Variants in PRMT9 observed in about 807,000 individuals in gnomAD.
PRMT9 encodes protein arginine N-methyltransferase 9.
PRMT9 carries 59 observed loss-of-function variants against 83.2 expected under a neutral mutation model. That is an observed-to-expected ratio of 0.71 (90% CI 0.57 to 0.88). The LOEUF is 0.88. Among genes scored for constraint, PRMT9 ranks in the 40% least tolerant of loss-of-function variants. PRMT9 has a pLI of 0.00. For synonymous variants in PRMT9, 333 were observed against 353.2 expected (o/e 0.94, Z 0.64); for missense variants, 947 against 1,021.9 (o/e 0.93, Z 1.00).
chr4:147,643,498 A>C (rs1322481375), intron 9 of PRMT9, among the ~76,000 whole-genome samples: 3 of 152,222 alleles, frequency 2.0e-5, no homozygotes, highest in African/African-American at 7.2e-5. Context: ...TAGCTATTTA[A>C]ATGGACACAC....
intron 2 of PRMT9, among the ~76,000 whole-genome samples, chr4:147,677,043 CAAA>C (rs1176356042): frequency 3.5e-5 from 2 of 56,574 alleles, no homozygotes; most frequent in Admixed American, 2.0e-4. Flanking sequence ...GACTCCGTCT[CAAA>C]AAAAAAAAAA....
chr4:147,668,320 AC>A (rs1560992838), intron 6 of PRMT9, among the ~76,000 whole-genome samples: 1 of 151,760 alleles, frequency 6.6e-6, no homozygotes, highest in Non-Finnish European at 1.5e-5. Context: ...TCCTACACTC[AC>A]CCACGTGGTC....
chr4:147,683,720 C>CTT (rs113416311), intron 1 of PRMT9, 79 bp downstream of exon 1: 178 of 1,048,776 alleles, frequency 1.7e-4, no homozygotes, highest in East Asian at 2.4e-4. Flanking sequence ...AGCCCCTCCG[C>CTT]TTTTTTTTTT....
At chr4:147,646,679 G>A (rs1000812655) in intron 9 of PRMT9, among the ~76,000 whole-genome samples, 2 of 151,740 alleles carry the variant, frequency 1.3e-5, no homozygotes, top group African/African-American at 4.8e-5. Flanking sequence ...GGAGGGGGGT[G>A]CAGGGAGGAG....
At chr4:147,639,758 A>C (rs1733254787) in intron 10 of PRMT9, among the ~76,000 whole-genome samples, 1 of 152,174 alleles carries the variant, frequency 6.6e-6, no homozygotes, top group Admixed American at 6.5e-5. Flanking sequence ...GAAACAAAGG[A>C]AACTGTCATT....
chr4:147,669,313 C>T (rs1011398189), intron 5 of PRMT9, among the ~76,000 whole-genome samples: 2 of 151,920 alleles, frequency 1.3e-5, no homozygotes, highest in South Asian at 2.1e-4. Flanking sequence ...GAGTTTGAGG[C>T]TGCAGTAAGC....
intron 6 of PRMT9, 43 bp downstream of exon 6, chr4:147,668,496 G>C: frequency 8.8e-7 from 1 of 1,137,274 alleles, no homozygotes; most frequent in Non-Finnish European, 1.3e-6. Context: ...CCCAATCTTG[G>C]GAGGTGCTTT....
At chr4:147,659,482 C>T (rs1210880517) in intron 7 of PRMT9, among the ~76,000 whole-genome samples, 1 of 151,848 alleles carries the variant, frequency 6.6e-6, no homozygotes, top group Non-Finnish European at 1.5e-5. Context: ...ACAGGTTTCA[C>T]TTACAACATT....
chr4:147,641,507 G>A (rs1336291775), intron 10 of PRMT9, among the ~76,000 whole-genome samples: 2 of 151,926 alleles, frequency 1.3e-5, no homozygotes, highest in Admixed American at 6.6e-5. Context: ...TATCCCATAC[G>A]CCACACTCCC....
chr4:147,680,433 C>T lies in PRMT9; in HGVS notation c.228G>A (p.Glu76=). Residue 76 remains glutamate (E), a synonymous_variant, in exon 2 of 12, where the codon GAG becomes GAA. Transcript: ENST00000322396. ...FQYTLFRWAE[E]LDALSRIQDL... is the part of the protein sequence containing the mutation. ...CTTGTATCCGACTGAGAGCATCAAG[C>T]TCTTCAGCCCATCTGAAAAGTGTGT... is the stretch of plus-strand genomic sequence containing the variant. 6.2e-7 allele frequency: 1 copy of T among 1,614,044 alleles called. No homozygotes were observed. The highest frequency in any genetic ancestry group is 8.5e-7 in the Non-Finnish European group (1 of 1,179,908).
chr4:147,638,929 C>T (rs900396841), intron 11 of PRMT9, 31 bp downstream of exon 11: 2 of 1,595,956 alleles, frequency 1.3e-6, no homozygotes, highest in African/African-American at 2.7e-5. Context: ...TAAACAATAA[C>T]AAACGAAATC....
At chr4:147,680,254 G>C (rs1319358569) in intron 2 of PRMT9, 69 bp downstream of exon 2, 31 of 1,422,210 alleles carry the variant, frequency 2.2e-5, no homozygotes, top group Non-Finnish European at 3.0e-5. Flanking sequence ...TAAAATTACA[G>C]TATGATTTAT....
At chr4:147,648,004 G>T (rs191535756) in intron 9 of PRMT9, among the ~76,000 whole-genome samples, 1 of 152,178 alleles carries the variant, frequency 6.6e-6, no homozygotes, top group East Asian at 1.9e-4. Context: ...TATTACAAAG[G>T]ATACAACTCA....
chr4:147,670,577 T>C, intron 5 of PRMT9, 64 bp downstream of exon 5: 1 of 1,013,750 alleles, frequency 9.9e-7, no homozygotes, highest in East Asian at 2.4e-5. Flanking sequence ...ATACTAAGGA[T>C]TCAATAAATC....
At chr4:147,671,840 A>T in intron 4 of PRMT9, 1 of 456,244 alleles carries the variant, frequency 2.2e-6, no homozygotes, top group Admixed American at 2.3e-5. Flanking sequence ...ATGCTGACTC[A>T]TGTCCCTCTC....
At chr4:147,668,408 G>C (rs1279540066) in intron 6 of PRMT9, 131 bp downstream of exon 6, 2 of 681,686 alleles carry the variant, frequency 2.9e-6, no homozygotes, top group African/African-American at 3.5e-5. Flanking sequence ...TTCCCCTTCT[G>C]CCATGTTTGT....
rs112552539 is a variant in PRMT9 at position 147,669,378 on chromosome 4, A to G, written c.847-733T>C. 6.1e-3 allele frequency among the ~76,000 whole-genome samples: 924 copies of G among 152,272 alleles called. 11 individuals carry two copies. Among genetic ancestry groups the G allele is most frequent in the African/African-American group, 0.021 (859 of 41,552 alleles). On this transcript the variant is annotated intron_variant, in intron 5 of 11. Coordinates refer to ENST00000322396, the MANE Select transcript of PRMT9 (RefSeq NM_138364.4). ...GGCAAGAGAGTGAGACCCCATCTCA[A>G]AAAAACAGAATAAGTATTTTCATTG...
chr4:147,657,664 T>G, intron 8 of PRMT9, 128 bp downstream of exon 8: 1 of 710,412 alleles, frequency 1.4e-6, no homozygotes, highest in South Asian at 1.7e-5. Flanking sequence ...AAAAATGAAG[T>G]TCTGAAAGAT....
intron 6 of PRMT9, among the ~76,000 whole-genome samples, chr4:147,665,230 G>A (rs1312336638): frequency 6.6e-6 from 1 of 151,288 alleles, no homozygotes; most frequent in African/African-American, 2.4e-5. Context: ...TAAATGCCCT[G>A]ATCCTCATCA....
Sources: gnomAD v4.1 joint callset for allele counts (sites outside exome capture counted in the v4.1 genomes callset) on GRCh38, gnomAD v4.1.1 for gene constraint, MANE v1.5 for transcripts, NCBI Gene and HGNC (gene_info 2026-07-23, HGNC 2026-07-21) for gene names.